Variants in CHN1 observed in about 807,000 individuals in gnomAD.
The protein encoded by CHN1 is chimerin 1.
CHN1 carries 37 observed loss-of-function variants against 59.5 expected under a neutral mutation model. The observed-to-expected ratio is 0.62, with a 90% CI of 0.48 to 0.82. The LOEUF (loss-of-function observed/expected upper bound fraction) is 0.82, where lower values mean the gene tolerates loss of function less well. Among genes scored for constraint, CHN1 ranks in the 40% least tolerant of loss-of-function variants. The pLI, the probability that CHN1 is intolerant of heterozygous loss-of-function variation, is 0.00. For missense variants in CHN1, 469 were observed against 571.0 expected (o/e 0.82, Z 1.82); for synonymous variants, 206 against 200.4 (o/e 1.03, Z -0.24).
intron 5 of CHN1, among the ~76,000 whole-genome samples, chr2:174,898,428 C>A (rs890490834): frequency 6.9e-6 from 1 of 144,530 alleles, no homozygotes; most frequent in Non-Finnish European, 1.5e-5. Flanking sequence ...GGTGAAATCC[C>A]GTCTCTACTG....
intron 1 of CHN1, among the ~76,000 whole-genome samples, chr2:174,994,636 G>T (rs6433514): frequency 0.37 from 56,980 of 152,028 alleles, 11,038 homozygotes; most frequent in Admixed American, 0.47. Flanking sequence ...AAGGGGTAAC[G>T]CACAAAGGAA....
rs886055155 is a variant in CHN1, at chr2:175,004,986, G to A, written c.-74C>T. On this transcript the variant is annotated 5_prime_UTR_variant, in exon 1 of 13. Transcript: ENST00000409900. ...GGGCTAGGGATCACCTCATCAGCCC[G>A]CCGCACCCACACCTCGGAGAGAGTG... 2.8e-5 allele frequency: 42 copies of A among 1,505,922 alleles called. No individual in the cohort carries two copies. The highest frequency in any genetic ancestry group is 3.6e-5 in the Non-Finnish European group (41 of 1,130,350). The allele number at this position is 1,505,922 out of a possible 1,614,324, so 93.3% of individuals were successfully genotyped here.
chr2:174,800,657 C>G (rs1684690684), intron 12 of CHN1, among the ~76,000 whole-genome samples: 1 of 152,216 alleles, frequency 6.6e-6, no homozygotes, highest in Non-Finnish European at 1.5e-5. Context: ...TCCCTTCACT[C>G]TGGCTGTCTT....
chr2:174,881,926 C>T (rs1321652885), intron 5 of CHN1, among the ~76,000 whole-genome samples: 3 of 152,188 alleles, frequency 2.0e-5, no homozygotes, highest in African/African-American at 4.8e-5. Flanking sequence ...GAGAGATTTA[C>T]ATATATTGAA....
chr2:174,933,915 T>A (rs1228322846), intron 3 of CHN1, among the ~76,000 whole-genome samples: 1 of 152,084 alleles, frequency 6.6e-6, no homozygotes, highest in African/African-American at 2.4e-5. Flanking sequence ...CAGTGGAAGT[T>A]TGTGGAAGTT....
In CHN1 at chr2:174,904,208, C is replaced by T. The variant is rs551028954; in HGVS notation, c.260+10850G>A. On this transcript the variant is annotated intron_variant, in intron 5 of 12. Coordinates refer to ENST00000409900, the MANE Select transcript of CHN1 (RefSeq NM_001822.7). Reference sequence around the variant, plus strand: ...AACCCGGGAGGTGGAGGTTGTGGCACGAGATTGTGCCATTGCACTCCAGCC... The same window carrying T: ...AACCCGGGAGGTGGAGGTTGTGGCATGAGATTGTGCCATTGCACTCCAGCC... Among the ~76,000 whole-genome samples, 57 of 151,308 alleles carry T rather than the reference C, an allele frequency of 3.8e-4. No individual in the cohort carries two copies. The South Asian group carries it at 0.011, about 30-fold the overall frequency.
chr2:174,911,933 T>C (rs1688715348), intron 5 of CHN1, among the ~76,000 whole-genome samples: 1 of 152,198 alleles, frequency 6.6e-6, no homozygotes, highest in Non-Finnish European at 1.5e-5. Flanking sequence ...CTTAGGCAGT[T>C]ACTTAACTAG....
intron 7 of CHN1, among the ~76,000 whole-genome samples, chr2:174,838,094 C>A (rs751293751): frequency 1.3e-5 from 2 of 149,656 alleles, no homozygotes; most frequent in Non-Finnish European, 3.0e-5. Context: ...AAACCTCACT[C>A]TTTTTTTTTT....
chr2:174,900,832 A>G (rs185506864), intron 5 of CHN1, among the ~76,000 whole-genome samples: 5 of 152,138 alleles, frequency 3.3e-5, no homozygotes, highest in Non-Finnish European at 7.4e-5. Context: ...ACTATCAAAT[A>G]TCTTGTGGAG....
intron 7 of CHN1, among the ~76,000 whole-genome samples, chr2:174,843,470 C>T (rs779407651): frequency 6.6e-6 from 1 of 152,068 alleles, no homozygotes; most frequent in Non-Finnish European, 1.5e-5. Flanking sequence ...ATCTCCTGAC[C>T]TTTCGATCTG....
Position 175,005,325 on chromosome 2 carries a change from G to A in CHN1, c.-413C>T. On this transcript the variant is annotated 5_prime_UTR_variant, in exon 1 of 13. Coordinates refer to ENST00000409900, the MANE Select transcript of CHN1 (RefSeq NM_001822.7). ...AGCCTCGCACAGCCCCCGGCGGGGC[G>A]CGCTCACTCCGCATCCCGCGGCCTC... The A allele has an allele frequency of 8.5e-7, 1 of 1,175,488 alleles. No homozygotes were observed. Among genetic ancestry groups the A allele is most frequent in the Admixed American group, 3.5e-5 (1 of 28,474 alleles). 72.8% of individuals were successfully genotyped at this position (1,175,488 alleles called of 1,614,324 possible). A position where few individuals can be genotyped will look rare whatever the true frequency, so the allele number is the denominator to read the frequency against.
intron 1 of CHN1, among the ~76,000 whole-genome samples, chr2:174,957,958 G>A (rs550481315): frequency 1.3e-3 from 200 of 152,114 alleles, no homozygotes; most frequent in Non-Finnish European, 2.4e-3. Context: ...TCTGAACACC[G>A]AGGCCGGGAG....
intron 3 of CHN1, among the ~76,000 whole-genome samples, chr2:174,941,716 C>G (rs760407854): frequency 3.3e-5 from 5 of 152,052 alleles, no homozygotes; most frequent in Non-Finnish European, 7.4e-5. Flanking sequence ...CTGTGCTTCT[C>G]TTTTGCAAAA....
chr2:174,993,619 T>TAA (rs1166867877), intron 1 of CHN1, among the ~76,000 whole-genome samples: 2 of 90,828 alleles, frequency 2.2e-5, no homozygotes, highest in Non-Finnish European at 4.8e-5. Context: ...GTACCAAAAC[T>TAA]AAAAAAAAAA....
intron 7 of CHN1, among the ~76,000 whole-genome samples, chr2:174,835,633 G>T (rs1300762610): frequency 6.9e-6 from 1 of 144,102 alleles, no homozygotes; most frequent in African/African-American, 2.6e-5. Context: ...TGTATTTTCT[G>T]GTTTACCAAT....
chr2:174,961,513 C>T (rs1159893855), intron 1 of CHN1, among the ~76,000 whole-genome samples: 1 of 151,838 alleles, frequency 6.6e-6, no homozygotes, highest in Non-Finnish European at 1.5e-5. Flanking sequence ...ATCGCTTGAA[C>T]CCGGGAGGCG....
Position 174,798,863 on chromosome 2 carries a change from T to C in CHN1, c.*1253A>G, listed in dbSNP as rs1203959993. On this transcript the variant is annotated 3_prime_UTR_variant, in exon 13 of 13. Coordinates refer to ENST00000409900, the MANE Select transcript of CHN1 (RefSeq NM_001822.7). Reference sequence around the variant, plus strand: ...TTTGAAAACAGGATGGAACTTTCGTTCTAGAAAGGTGTTCATCTGATAGGC... The same window carrying C: ...TTTGAAAACAGGATGGAACTTTCGTCCTAGAAAGGTGTTCATCTGATAGGC... 6.6e-6 allele frequency among the ~76,000 whole-genome samples: 1 copy of C among 152,244 alleles called. No individual in the cohort carries two copies. Among genetic ancestry groups the C allele is most frequent in the African/African-American group, 2.4e-5 (1 of 41,466 alleles).
At chr2:174,978,069 T>C (rs1691009449) in intron 1 of CHN1, among the ~76,000 whole-genome samples, 1 of 152,172 alleles carries the variant, frequency 6.6e-6, no homozygotes, top group African/African-American at 2.4e-5. Flanking sequence ...AAAATTAATA[T>C]TGGGCAAAAA....
At chr2:174,955,242 G>C (rs907778461) in intron 1 of CHN1, among the ~76,000 whole-genome samples, 3 of 147,202 alleles carry the variant, frequency 2.0e-5, no homozygotes, top group African/African-American at 7.5e-5. Flanking sequence ...GATATATAGA[G>C]ATAAATAGAT....
Sources: gnomAD v4.1 joint callset for allele counts (sites outside exome capture counted in the v4.1 genomes callset) on GRCh38, gnomAD v4.1.1 for gene constraint, MANE v1.5 for transcripts, NCBI Gene and HGNC (gene_info 2026-07-23, HGNC 2026-07-21) for gene names.